Variants in ANKS1B observed in about 807,000 individuals in gnomAD.
The protein encoded by ANKS1B is ankyrin repeat and sterile alpha motif domain-containing protein 1B.
ANKS1B carries 36 observed loss-of-function variants against 148.3 expected under a neutral mutation model. The ratio of observed to expected loss-of-function variants is 0.24; its 90% CI spans 0.19 to 0.32. The LOEUF (loss-of-function observed/expected upper bound fraction) is 0.32, where lower values mean the gene tolerates loss of function less well. ANKS1B is among the 10% of genes least tolerant of loss of function. ANKS1B has a pLI of 1.00. For synonymous variants in ANKS1B, 542 were observed against 560.8 expected, an observed-to-expected ratio of 0.97 and a Z score of 0.47; for missense variants, 1,157 against 1,542.6, an observed-to-expected ratio of 0.75 and a Z score of 4.19.
At chr12:99,113,810 A>G (rs2060780948) in intron 15 of ANKS1B, among the ~76,000 whole-genome samples, 2 of 152,146 alleles carry the variant, frequency 1.3e-5, no homozygotes, top group South Asian at 4.2e-4. Flanking sequence ...TTAAAGGATA[A>G]CTAGGAGTGT....
intron 10 of ANKS1B, among the ~76,000 whole-genome samples, chr12:99,497,703 T>C (rs1450427393): frequency 4.0e-5 from 6 of 151,702 alleles, no homozygotes; most frequent in Non-Finnish European, 7.4e-5. Flanking sequence ...ATTCCCCAAA[T>C]AAGATCATAT....
At chr12:99,866,011 G>T (rs1317882458) in intron 1 of ANKS1B, among the ~76,000 whole-genome samples, 1 of 152,062 alleles carries the variant, frequency 6.6e-6, no homozygotes, top group Non-Finnish European at 1.5e-5. Context: ...ATCTAAAGTG[G>T]AGTAGCTTAA....
At chr12:99,188,884 T>TCGAAAAATC (rs1311284952) in intron 14 of ANKS1B, among the ~76,000 whole-genome samples, 2 of 152,012 alleles carry the variant, frequency 1.3e-5, no homozygotes, top group Non-Finnish European at 2.9e-5. Context: ...GAAATACCCT[T>TCGAAAAATC]CGAAAAATCA....
At chr12:99,888,365 T>C (rs1034466580) in intron 1 of ANKS1B, among the ~76,000 whole-genome samples, 1 of 152,208 alleles carries the variant, frequency 6.6e-6, no homozygotes, top group Admixed American at 6.5e-5. Flanking sequence ...AAAAGTGCCT[T>C]TTTGTTAGAC....
At chr12:99,719,179 C>T (rs1168071606) in intron 8 of ANKS1B, among the ~76,000 whole-genome samples, 1 of 152,162 alleles carries the variant, frequency 6.6e-6, no homozygotes, top group Non-Finnish European at 1.5e-5. Context: ...CTTTTAGAGG[C>T]CCTTAAAATC....
Position 99,197,299 on chromosome 12 carries a change from C to G in ANKS1B, c.2420-42904G>C, listed in dbSNP as rs75240902. ...AAAGTAATATTCAATCTCCTTAGCC[C>G]AACACTCTTAGAATTTCTTGGATTG... On this transcript the variant is annotated intron_variant, in intron 14 of 26. Coordinates refer to ENST00000683438, the MANE Select transcript of ANKS1B (RefSeq NM_001352186.2). Among the ~76,000 whole-genome samples the G allele has an allele frequency of 2.4e-3, 366 of 152,266 alleles. 2 individuals are homozygous for G. Among genetic ancestry groups the G allele is most frequent in the African/African-American group, 6.5e-3 (272 of 41,570 alleles).
chr12:99,053,309 T>A lies in ANKS1B; in HGVS notation c.2626A>T (p.Met876Leu), dbSNP rs754815137. 7.5e-6 allele frequency: 12 copies of A among 1,590,604 alleles called. No homozygotes were observed. The highest frequency in any genetic ancestry group is 9.4e-6 in the Non-Finnish European group (11 of 1,170,898). Reference protein sequence around the residue: ...ILQAIQLLPKMRPIGHDGYHP... With the variant: ...ILQAIQLLPKLRPIGHDGYHP... ...TAGCCATCATGCCCAATGGGTCTCATCTGTAATAAAGAAAATTACATTAGG... is the reference window on the plus strand; with the variant it reads ...TAGCCATCATGCCCAATGGGTCTCAACTGTAATAAAGAAAATTACATTAGG... The change falls in exon 17 of 27, where the codon ATG becomes TTG. Residue 876 changes from methionine to leucine, a missense_variant and splice_region_variant. By Grantham distance (15) the Met-to-Leu change is conservative. Around this residue, in one of 6 missense-constraint regions of ANKS1B, gnomAD observed 258 missense variants for 497.0 expected, o/e 0.52. Transcript: ENST00000683438.
intron 11 of ANKS1B, among the ~76,000 whole-genome samples, chr12:99,425,261 G>C (rs2095226037): frequency 6.6e-6 from 1 of 151,654 alleles, no homozygotes; most frequent in Non-Finnish European, 1.5e-5. Flanking sequence ...CATTTTTATA[G>C]TTACCATATA....
At chr12:99,129,468 G>C (rs1287476804) in intron 15 of ANKS1B, among the ~76,000 whole-genome samples, 1 of 152,224 alleles carries the variant, frequency 6.6e-6, no homozygotes, top group African/African-American at 2.4e-5. Flanking sequence ...AGCAGCAAGA[G>C]TTATTTGAGG....
At chr12:99,902,748 T>C (rs2093641000) in intron 1 of ANKS1B, among the ~76,000 whole-genome samples, 1 of 147,570 alleles carries the variant, frequency 6.8e-6, no homozygotes, top group Admixed American at 6.8e-5. Flanking sequence ...ATAGCTGTTA[T>C]ACACTTTTTT....
intron 15 of ANKS1B, among the ~76,000 whole-genome samples, chr12:99,109,638 A>G (rs530589778): frequency 1.9e-4 from 29 of 152,330 alleles, no homozygotes; most frequent in South Asian, 1.7e-3. Context: ...TTTACTATTT[A>G]TTCATTTATC....
At chr12:99,085,563 T>C (rs1333722390) in intron 15 of ANKS1B, among the ~76,000 whole-genome samples, 1 of 152,138 alleles carries the variant, frequency 6.6e-6, no homozygotes, top group Non-Finnish European at 1.5e-5. Flanking sequence ...TGAGAGTTAA[T>C]ACTTAATTTC....
chr12:99,909,167 G>A (rs946587539), intron 1 of ANKS1B, among the ~76,000 whole-genome samples: 2 of 150,894 alleles, frequency 1.3e-5, no homozygotes, highest in African/African-American at 4.9e-5. Flanking sequence ...GTTTATCCAT[G>A]TTCTCTCAAA....
At chr12:99,037,333 A>G (rs2099956165) in intron 17 of ANKS1B, among the ~76,000 whole-genome samples, 1 of 152,038 alleles carries the variant, frequency 6.6e-6, no homozygotes. Flanking sequence ...TGGCCAAAAT[A>G]GTGAAACCCC....
At chr12:99,614,156 T>C (rs899989118) in intron 9 of ANKS1B, among the ~76,000 whole-genome samples, 4 of 151,964 alleles carry the variant, frequency 2.6e-5, no homozygotes, top group Non-Finnish European at 5.9e-5. Flanking sequence ...CCATAGAGGC[T>C]GGGCATGGTG....
chr12:99,266,812 T>C (rs1010467671), intron 12 of ANKS1B, among the ~76,000 whole-genome samples: 1 of 152,182 alleles, frequency 6.6e-6, no homozygotes, highest in Non-Finnish European at 1.5e-5. Flanking sequence ...CTAACTTTTA[T>C]CTCCATTCAT....
At chr12:99,177,618 A>G (rs913555089) in intron 14 of ANKS1B, among the ~76,000 whole-genome samples, 3 of 152,252 alleles carry the variant, frequency 2.0e-5, no homozygotes, top group African/African-American at 7.2e-5. Context: ...TGTCTGCTGC[A>G]TTAGCACATC....
At chr12:98,867,731 G>A (rs1298815333) in intron 17 of ANKS1B, among the ~76,000 whole-genome samples, 2 of 151,702 alleles carry the variant, frequency 1.3e-5, no homozygotes, top group Admixed American at 6.6e-5. Context: ...GTGTGGTGGC[G>A]GGCACCTGTA....
In ANKS1B at chr12:99,215,969, C is replaced by G. The variant is rs544907948; in HGVS notation, c.2419+28373G>C. 2.0e-5 allele frequency among the ~76,000 whole-genome samples: 3 copies of G among 152,186 alleles called. No individual in the cohort carries two copies. The South Asian group carries it at 6.2e-4, about 31-fold the overall frequency. On this transcript the variant is annotated intron_variant, in intron 14 of 26. Coordinates refer to ENST00000683438, the MANE Select transcript of ANKS1B (RefSeq NM_001352186.2). Reference sequence around the variant, plus strand: ...TGAAATGGTTTGGCTGTGTCCTCATCTTGAATTGTAGCTCCCATAATCCCC... The same window carrying G: ...TGAAATGGTTTGGCTGTGTCCTCATGTTGAATTGTAGCTCCCATAATCCCC...
Sources: gnomAD v4.1 joint callset for allele counts (sites outside exome capture counted in the v4.1 genomes callset) on GRCh38, gnomAD v4.1.1 for gene constraint, gnomAD v4.1.1 regional missense constraint, MANE v1.5 for transcripts, NCBI Gene and HGNC (gene_info 2026-07-23, HGNC 2026-07-21) for gene names.